SCG3: variants seen among roughly 807,000 people sequenced by gnomAD.
SCG3 encodes secretogranin III.
In SCG3, 38 loss-of-function variants were observed where a neutral mutation model predicts 56.2. The observed-to-expected ratio is 0.68, with a 90% confidence interval of 0.52 to 0.89. The LOEUF is 0.89. SCG3 is among the 40% of genes least tolerant of loss of function. The probability of loss-of-function intolerance (pLI) is 0.00; values close to 1 mark genes in which losing one functional copy is unlikely to be tolerated. For missense variants in SCG3, 524 were observed against 540.7 expected, an observed-to-expected ratio of 0.97 and a Z score of 0.31; for synonymous variants, 176 against 184.2, an observed-to-expected ratio of 0.96 and a Z score of 0.36.
In SCG3 at chr15:51,681,671, T is replaced by G; in HGVS notation, c.-85T>G. 1 of 564,216 alleles carries G rather than the reference T, an allele frequency of 1.8e-6. No homozygotes were observed. The highest frequency in any genetic ancestry group is 3.2e-6 in the Non-Finnish European group (1 of 307,966). The allele number at this position is 564,216 out of a possible 1,614,324, so 35.0% of individuals were successfully genotyped here. Reference sequence around the variant, plus strand: ...ACACCCACCCTCCTGGCTCTTCCTGTTTTTACTCCTCCTTTTCATTCATAA... The same window carrying G: ...ACACCCACCCTCCTGGCTCTTCCTGGTTTTACTCCTCCTTTTCATTCATAA... On this transcript the variant is annotated 5_prime_UTR_variant, in exon 1 of 12. Coordinates refer to ENST00000220478, the MANE Select transcript of SCG3 (RefSeq NM_013243.4).
At chr15:51,689,171 C>A in intron 5 of SCG3, 48 bp from the exon 6 acceptor site, 4 of 1,570,064 alleles carry the variant, frequency 2.5e-6, no homozygotes, top group Non-Finnish European at 3.5e-6. Flanking sequence ...TTTTTAATAA[C>A]AAGACTGGGA....
At chr15:51,689,650 G>A (rs1289004805) in intron 6 of SCG3, among the ~76,000 whole-genome samples, 1 of 152,026 alleles carries the variant, frequency 6.6e-6, no homozygotes, top group Non-Finnish European at 1.5e-5. Context: ...TTAGCTGGGT[G>A]TGGTGGCACA....
chr15:51,698,356 A>G (rs1269990636), intron 8 of SCG3, among the ~76,000 whole-genome samples: 2 of 152,106 alleles, frequency 1.3e-5, no homozygotes, highest in Non-Finnish European at 2.9e-5. Context: ...CACAGTCTAG[A>G]CTCCTGTCTA....
intron 4 of SCG3, among the ~76,000 whole-genome samples, chr15:51,683,963 T>A (rs2055212351): frequency 1.3e-5 from 2 of 152,202 alleles, no homozygotes; most frequent in African/African-American, 4.8e-5. Flanking sequence ...TGTTTACCTA[T>A]TCGACATTTT....
chr15:51,695,828 A>G (rs2141566837), intron 7 of SCG3, 47 bp from the exon 8 acceptor site: 1 of 979,144 alleles, frequency 1.0e-6, no homozygotes, highest in African/African-American at 1.6e-5. Flanking sequence ...ACATTGAAAG[A>G]GGAAGCTATC....
At chr15:51,702,245 T>G (rs902467631) in intron 10 of SCG3, among the ~76,000 whole-genome samples, 1 of 152,130 alleles carries the variant, frequency 6.6e-6, no homozygotes, top group African/African-American at 2.4e-5. Flanking sequence ...AATTTACATC[T>G]TTTTAGGATT....
chr15:51,692,313 C>T lies in SCG3; in HGVS notation c.845C>T (p.Ala282Val), dbSNP rs181133862. 29 of 1,613,530 alleles carry T rather than the reference C, an allele frequency of 1.8e-5. No individual in the cohort carries two copies. Among genetic ancestry groups the T allele is most frequent in the Admixed American group, 1.7e-4 (10 of 59,942 alleles). ...EELQYFPNFY[A>V]LLKSIDSEKE... ...CTCCAATATTTCCCAAATTTCTATG[C>T]GCTACTGAAAAGTATTGATTCAGGT... Residue 282 changes from alanine (A) to valine (V), a missense_variant, in exon 7 of 12, where the codon GCG (alanine) becomes GTG (valine). Transcript: ENST00000220478.
Position 51,681,669 on chromosome 15 carries a change from T to A in SCG3, c.-87T>A. On this transcript the variant is annotated 5_prime_UTR_variant, in exon 1 of 12. Coordinates refer to ENST00000220478, the MANE Select transcript of SCG3 (RefSeq NM_013243.4). ...CCACACCCACCCTCCTGGCTCTTCC[T>A]GTTTTTACTCCTCCTTTTCATTCAT... is the stretch of plus-strand genomic sequence containing the variant. 1 of 497,004 alleles carries A rather than the reference T, an allele frequency of 2.0e-6. No individual in the cohort carries two copies. The highest frequency in any genetic ancestry group is 4.0e-6 in the Non-Finnish European group (1 of 251,612). The allele number at this position is 497,004 out of a possible 1,614,324, so 30.8% of individuals were successfully genotyped here.
chr15:51,698,309 A>C lies in SCG3; in HGVS notation c.986-1010A>C, dbSNP rs534264525. On this transcript the variant is annotated intron_variant, in intron 8 of 11. Coordinates refer to ENST00000220478, the MANE Select transcript of SCG3 (RefSeq NM_013243.4). ...GCTGGTTTAATAGCTGAGTACAAAGAGTGTGGTTTCTAATTCATCGTCTAC... is the reference window on the plus strand; with the variant it reads ...GCTGGTTTAATAGCTGAGTACAAAGCGTGTGGTTTCTAATTCATCGTCTAC... Among the ~76,000 whole-genome samples, 14 of 152,274 alleles carry C rather than the reference A, an allele frequency of 9.2e-5. No individual in the cohort carries two copies. In the East Asian group the frequency reaches 2.7e-3, roughly 29 times the overall value.
At chr15:51,685,641 T>G (rs982108711) in intron 4 of SCG3, among the ~76,000 whole-genome samples, 15 of 152,198 alleles carry the variant, frequency 9.9e-5, no homozygotes, top group African/African-American at 3.1e-4. Context: ...CTAAGTTGAA[T>G]AGAACCTCAG....
At chr15:51,688,217 A>G (rs749180750) in intron 4 of SCG3, 43 bp from the exon 5 acceptor site, 1 of 1,569,430 alleles carries the variant, frequency 6.4e-7, no homozygotes, top group South Asian at 1.1e-5. Flanking sequence ...CATGAAATAG[A>G]TCTATGATCA....
intron 4 of SCG3, among the ~76,000 whole-genome samples, chr15:51,685,761 T>G (rs151297902): frequency 6.6e-6 from 1 of 152,340 alleles, no homozygotes; most frequent in Non-Finnish European, 1.5e-5. Context: ...GCTTGTACTA[T>G]AGGACCCATC....
At chr15:51,713,486 ACAGT>A in intron 11 of SCG3, 73 bp downstream of exon 11, 1 of 1,035,222 alleles carries the variant, frequency 9.7e-7, no homozygotes. Flanking sequence ...AAAAATTCCC[ACAGT>A]CAAATTGACT....
chr15:51,711,958 TGCGG>T (rs1163035754), intron 10 of SCG3, among the ~76,000 whole-genome samples: 2 of 152,094 alleles, frequency 1.3e-5, no homozygotes, highest in Admixed American at 1.3e-4. Context: ...GTAAATACAG[TGCGG>T]GCAATTGGAA....
At chr15:51,686,381 G>T (rs2055228765) in intron 4 of SCG3, among the ~76,000 whole-genome samples, 1 of 152,180 alleles carries the variant, frequency 6.6e-6, no homozygotes, top group African/African-American at 2.4e-5. Context: ...TCTTCAGTGG[G>T]TTACTAACAT....
chr15:51,688,330 T>C lies in SCG3; in HGVS notation c.468T>C (p.Ala156=), dbSNP rs1313861272. 13 of 1,613,580 alleles carry C rather than the reference T, an allele frequency of 8.1e-6. No individual in the cohort carries two copies. ...LTAEDIVHKI[A]ARIYEENDRA... ...CTGAAGACATTGTCCATAAAATCGC[T>C]GCCAGGATTTATGAAGAAAATGACA... The change falls in exon 5 of 12, where the codon GCT becomes GCC. Residue 156 remains alanine, a synonymous_variant. Transcript: ENST00000220478.
rs28656440 is a variant in SCG3, at chr15:51,683,170, G to A, written c.181+46G>A. On this transcript the variant is annotated intron_variant, in intron 3 of 11. Coordinates refer to ENST00000220478, the MANE Select transcript of SCG3 (RefSeq NM_013243.4). ...TGTTAATTTAAATAATGTAGGCTAT[G>A]AGAATCTGAACTAAAATGGCTGTGT... is the stretch of plus-strand genomic sequence containing the variant. The A allele has an allele frequency of 7.8e-4, 1,251 of 1,602,640 alleles. 17 individuals are homozygous for A. In the African/African-American group the frequency reaches 0.015, roughly 19 times the overall value.
intron 10 of SCG3, among the ~76,000 whole-genome samples, chr15:51,709,759 C>T (rs1468821919): frequency 9.3e-6 from 1 of 107,414 alleles, no homozygotes; most frequent in African/African-American, 3.6e-5. Context: ...CTCGCTCTGT[C>T]GCCCAGGCTG....
intron 7 of SCG3, among the ~76,000 whole-genome samples, chr15:51,694,125 G>A (rs979516470): frequency 2.0e-5 from 3 of 151,498 alleles, no homozygotes; most frequent in Admixed American, 1.3e-4. Flanking sequence ...ATTTCTTATT[G>A]TCTTTATTTT....
Sources: allele counts gnomAD v4.1 joint callset (sites outside exome capture counted in the v4.1 genomes callset), GRCh38; gene constraint gnomAD v4.1.1; transcripts MANE v1.5; gene names NCBI Gene and HGNC (gene_info 2026-07-23, HGNC 2026-07-21).